Variants in SLC30A8 observed in about 807,000 individuals in gnomAD.
SLC30A8 encodes the protein proton-coupled zinc antiporter SLC30A8.
A neutral mutation model predicts 36.9 loss-of-function variants in SLC30A8; 27 were observed. The observed-to-expected ratio is 0.73, with a 90% CI of 0.54 to 1.01. The LOEUF (loss-of-function observed/expected upper bound fraction) is 1.01. SLC30A8 is among the 50% of genes least tolerant of loss of function. The pLI, the probability that SLC30A8 is intolerant of heterozygous loss-of-function variation, is 0.00. For synonymous variants in SLC30A8, 164 were observed against 172.4 expected, an observed-to-expected ratio of 0.95 and a Z score of 0.38; for missense variants, 439 against 452.0, an observed-to-expected ratio of 0.97 and a Z score of 0.26.
chr8:117,138,397 G>A (rs1821470696), intron 1 of SLC30A8, among the ~76,000 whole-genome samples: 1 of 152,002 alleles, frequency 6.6e-6, no homozygotes, highest in African/African-American at 2.4e-5. Context: ...TGGCATTTGA[G>A]CCAAGATCTG....
chr8:117,085,390 T>A (rs1029834250), intron 2 of SLC30A8, among the ~76,000 whole-genome samples: 2 of 152,178 alleles, frequency 1.3e-5, no homozygotes, highest in African/African-American at 4.8e-5. Context: ...TGAATAAAAA[T>A]TGTAGAAATT....
At chr8:117,089,136 G>A (rs1369000892) in intron 2 of SLC30A8, among the ~76,000 whole-genome samples, 1 of 152,134 alleles carries the variant, frequency 6.6e-6, no homozygotes, top group African/African-American at 2.4e-5. Flanking sequence ...TTGCTCCACT[G>A]TATTTGTGTT....
At chr8:116,970,189 C>CAAACACAT (rs1341267127) in intron 1 of SLC30A8, among the ~76,000 whole-genome samples, 2 of 151,986 alleles carry the variant, frequency 1.3e-5, no homozygotes, top group Non-Finnish European at 2.9e-5. Flanking sequence ...AACCAAGACA[C>CAAACACAT]AAACACATAC....
At chr8:117,024,864 A>G (rs551304764) in intron 1 of SLC30A8, among the ~76,000 whole-genome samples, 10 of 152,202 alleles carry the variant, frequency 6.6e-5, no homozygotes, top group African/African-American at 2.2e-4. Context: ...GGTTTGTTAC[A>G]TAAGTAAATG....
In SLC30A8 at chr8:117,135,285, TCAA is replaced by T. The variant is rs761508452; in HGVS notation, c.-35_-33del. ...TTGCTTCCAAAACTGGGCAGTGAGT[TCAA>T]CAACAACGACAACAACAGCCGCAGC... On this transcript the variant is annotated 5_prime_UTR_variant, in exon 1 of 8. Coordinates refer to ENST00000456015, the MANE Select transcript of SLC30A8 (RefSeq NM_173851.3). The T allele has an allele frequency of 4.0e-6, 6 of 1,510,538 alleles. No individual in the cohort carries two copies. The Admixed American group carries it at 1.1e-4, about 27-fold the overall frequency. The allele number at this position is 1,510,538 out of a possible 1,614,324, so 93.6% of individuals were successfully genotyped here. A position where few individuals can be genotyped will look rare whatever the true frequency, so the allele number is the denominator to read the frequency against.
rs150747573 is a variant in SLC30A8 at position 117,146,568 on chromosome 8, C to T, written c.72-386C>T. On this transcript the variant is annotated intron_variant, in intron 1 of 7. Coordinates refer to ENST00000456015, the MANE Select transcript of SLC30A8 (RefSeq NM_173851.3). ...CTCAGTCTGGCTCTTATACACATAT[C>T]GTAATGTACCCTAATTTATTTTATT... Among the ~76,000 whole-genome samples the T allele has an allele frequency of 4.6e-5, 7 of 152,134 alleles. No individual in the cohort carries two copies. In the South Asian group the frequency reaches 1.5e-3, roughly 32 times the overall value.
At chr8:117,141,954 G>C (rs566652564) in intron 1 of SLC30A8, among the ~76,000 whole-genome samples, 1 of 152,232 alleles carries the variant, frequency 6.6e-6, no homozygotes, top group Admixed American at 6.5e-5. Flanking sequence ...CCTATTTTCA[G>C]ATGGGGAAAT....
rs781725588 is a variant in SLC30A8, at chr8:117,146,916, C to G, written c.72-38C>G. Reference sequence around the variant, plus strand: ...GGGTCAGTGAGTGGCTTGTTTGCAACTATGTTCACTTCTTGCTTCTGTCAA... The same window carrying G: ...GGGTCAGTGAGTGGCTTGTTTGCAAGTATGTTCACTTCTTGCTTCTGTCAA... On this transcript the variant is annotated intron_variant, in intron 1 of 7. Transcript: ENST00000456015. 3 of 1,610,854 alleles carry G rather than the reference C, an allele frequency of 1.9e-6. No homozygotes were observed. In the South Asian group the frequency reaches 3.3e-5, roughly 18 times the overall value.
At chr8:117,004,096 G>T (rs1272897333) in intron 1 of SLC30A8, among the ~76,000 whole-genome samples, 1 of 152,168 alleles carries the variant, frequency 6.6e-6, no homozygotes, top group Admixed American at 6.6e-5. Context: ...AAATCTGGCA[G>T]CACCTCATTG....
intron 6 of SLC30A8, among the ~76,000 whole-genome samples, chr8:117,169,086 C>T (rs956703692): frequency 6.6e-6 from 1 of 151,536 alleles, no homozygotes; most frequent in Admixed American, 6.6e-5. Context: ...ACTTTATTCA[C>T]ATTGTATGGC....
In SLC30A8 at chr8:116,958,559, C is replaced by G. The variant is rs180676504; in HGVS notation, c.-266+7440C>G. ...TTCTACTGTCATTTTTATCTTTGTT[C>G]CTCTGTAGGTAGTGTGTCGGCTGCA... On this transcript the variant is annotated intron_variant, in intron 1 of 10. Coordinates refer to the SLC30A8 transcript ENST00000427715. Among the ~76,000 whole-genome samples the G allele has an allele frequency of 1.4e-4, 21 of 151,966 alleles. No homozygotes were observed. The East Asian group carries it at 4.1e-3, about 29-fold the overall frequency.
intron 1 of SLC30A8, among the ~76,000 whole-genome samples, chr8:116,986,251 C>A (rs1815440343): frequency 6.6e-6 from 1 of 151,970 alleles, no homozygotes; most frequent in African/African-American, 2.4e-5. Context: ...ATTTATTCAT[C>A]ATCCTATTGG....
chr8:117,132,144 C>T (rs1039204891), upstream of SLC30A8, among the ~76,000 whole-genome samples: 4 of 151,930 alleles, frequency 2.6e-5, no homozygotes, highest in African/African-American at 9.7e-5. Context: ...TTCTGAAATA[C>T]GAGTTTAAAT....
chr8:116,971,309 A>C (rs181497431), intron 1 of SLC30A8, among the ~76,000 whole-genome samples: 32 of 151,924 alleles, frequency 2.1e-4, no homozygotes, highest in East Asian at 7.7e-4. Context: ...GTAGGAAAAA[A>C]AAAAACAAAA....
At chr8:117,070,119 C>T (rs2130797373) in intron 2 of SLC30A8, among the ~76,000 whole-genome samples, 1 of 152,274 alleles carries the variant, frequency 6.6e-6, no homozygotes, top group South Asian at 2.1e-4. Flanking sequence ...AGAGACATGT[C>T]CAGTGCCTCT....
chr8:117,144,557 A>G (rs1398944827), intron 1 of SLC30A8, among the ~76,000 whole-genome samples: 1 of 152,172 alleles, frequency 6.6e-6, no homozygotes, highest in Non-Finnish European at 1.5e-5. Flanking sequence ...ATTGGAAAAA[A>G]ATGAGTTGTC....
chr8:117,001,089 A>G (rs189408251), intron 1 of SLC30A8, among the ~76,000 whole-genome samples: 2 of 151,796 alleles, frequency 1.3e-5, no homozygotes, highest in Non-Finnish European at 2.9e-5. Context: ...GTGGGCTCTG[A>G]CTGGCCTAAC....
At chr8:117,060,176 A>G (rs1817987295) in intron 2 of SLC30A8, among the ~76,000 whole-genome samples, 3 of 152,028 alleles carry the variant, frequency 2.0e-5, no homozygotes, top group South Asian at 4.1e-4. Context: ...TTTTATTTTT[A>G]TTATTTATTT....
At position 117,080,247 on chromosome 8, in the gene SLC30A8, A is replaced by G. The variant is rs375391630; in HGVS notation, c.-226+40989A>G. ...AGCATACAGAAGCAAAACTGAATAT[A>G]AGAACAATTCATATTTCCACTTTCT... On this transcript the variant is annotated intron_variant, in intron 2 of 10. Transcript: ENST00000427715. Among the ~76,000 whole-genome samples the G allele has an allele frequency of 3.9e-5, 6 of 152,336 alleles. No homozygotes were observed. In the East Asian group the frequency reaches 1.2e-3, roughly 29 times the overall value.
Sources: allele counts gnomAD v4.1 joint callset (sites outside exome capture counted in the v4.1 genomes callset), GRCh38; gene constraint gnomAD v4.1.1; transcripts MANE v1.5; gene names NCBI Gene and HGNC (gene_info 2026-07-23, HGNC 2026-07-21).